NCAM1: variants seen among roughly 807,000 people sequenced by gnomAD.
NCAM1 encodes the protein antigen recognized by monoclonal antibody 5.1H11.
Under a neutral mutation model 109.8 loss-of-function variants are expected in NCAM1, and 14 were observed. That is an observed-to-expected ratio of 0.13 (90% CI 0.08 to 0.20). The LOEUF (loss-of-function observed/expected upper bound fraction) is 0.20. Among genes scored for constraint, NCAM1 ranks in the 10% least tolerant of loss-of-function variants. NCAM1 has a pLI of 1.00. For missense variants in NCAM1, 774 were observed against 1,109.9 expected (o/e 0.70, Z 4.30); for synonymous variants, 418 against 442.9 (o/e 0.94, Z 0.70).
chr11:113,260,810 CT>C (rs1432996069), intron 17 of NCAM1, among the ~76,000 whole-genome samples: 3 of 152,196 alleles, frequency 2.0e-5, no homozygotes, highest in African/African-American at 4.8e-5. Flanking sequence ...TGCCCATTTA[CT>C]TACAAACCCT....
intron 1 of NCAM1, among the ~76,000 whole-genome samples, chr11:113,009,565 G>A (rs1004072675): frequency 1.3e-5 from 2 of 151,978 alleles, no homozygotes; most frequent in African/African-American, 4.8e-5. Flanking sequence ...AACAGTCTCT[G>A]TATGTGAGAG....
intron 1 of NCAM1, among the ~76,000 whole-genome samples, chr11:113,031,246 G>A (rs1952703425): frequency 6.6e-6 from 1 of 152,172 alleles, no homozygotes; most frequent in Non-Finnish European, 1.5e-5. Flanking sequence ...ACTGTATGAA[G>A]CTTAGCTAAC....
rs1344432945 is a variant in NCAM1, at chr11:113,278,386, T to G, written c.*2999T>G. ...GAGTACTAACTGAGAATTTTGACTT[T>G]GCATTCTGTCGGAATACTTGTGTTC... On this transcript the variant is annotated 3_prime_UTR_variant, in exon 20 of 20. Coordinates refer to ENST00000316851, the MANE Select transcript of NCAM1 (RefSeq NM_181351.5). 6.6e-6 allele frequency: 1 copy of G among 152,236 alleles called. No homozygotes were observed. Among genetic ancestry groups the G allele is most frequent in the African/African-American group, 2.4e-5 (1 of 41,452 alleles). The allele number at this position is 152,236 out of a possible 1,614,324, so 9.4% of individuals were successfully genotyped here.
chr11:113,010,164 A>G (rs1952010731), intron 1 of NCAM1, among the ~76,000 whole-genome samples: 1 of 152,218 alleles, frequency 6.6e-6, no homozygotes, highest in African/African-American at 2.4e-5. Flanking sequence ...TCGATCCTGA[A>G]CTAAATTAGC....
At chr11:113,175,169 GT>G (rs1171742955) in intron 1 of NCAM1, among the ~76,000 whole-genome samples, 1 of 152,198 alleles carries the variant, frequency 6.6e-6, no homozygotes, top group African/African-American at 2.4e-5. Context: ...TTTTACAGTT[GT>G]TGTCAAAAGG....
intron 17 of NCAM1, chr11:113,269,758 C>T: frequency 4.5e-6 from 1 of 222,522 alleles, no homozygotes; most frequent in Non-Finnish European, 9.0e-6. Flanking sequence ...CATTTTGGGC[C>T]CCTATCCCTG....
chr11:113,242,576 C>T (rs1015837095), intron 14 of NCAM1, among the ~76,000 whole-genome samples: 2 of 152,112 alleles, frequency 1.3e-5, no homozygotes, highest in Admixed American at 6.5e-5. Flanking sequence ...CACCATTGCA[C>T]TCTAGCCTGA....
chr11:113,103,719 A>T (rs1939989387), intron 1 of NCAM1, among the ~76,000 whole-genome samples: 2 of 152,132 alleles, frequency 1.3e-5, no homozygotes, highest in South Asian at 4.1e-4. Flanking sequence ...GAAGGGCTTG[A>T]TAACAATTCA....
At chr11:113,143,233 C>T (rs1941895065) in intron 1 of NCAM1, among the ~76,000 whole-genome samples, 2 of 152,282 alleles carry the variant, frequency 1.3e-5, no homozygotes, top group South Asian at 2.1e-4. Context: ...TTGCATTTGG[C>T]TTTTATATCT....
chr11:113,112,252 C>T (rs1940478351), intron 1 of NCAM1, among the ~76,000 whole-genome samples: 1 of 152,192 alleles, frequency 6.6e-6, no homozygotes. Flanking sequence ...ACAAACTTCT[C>T]TTTCTTATGT....
At chr11:113,244,312 T>C (rs1478559970) in intron 14 of NCAM1, among the ~76,000 whole-genome samples, 1 of 152,206 alleles carries the variant, frequency 6.6e-6, no homozygotes, top group Non-Finnish European at 1.5e-5. Context: ...TCCCCTGACA[T>C]GTCTTTAATT....
At chr11:113,220,038 C>G (rs1369622371) in intron 8 of NCAM1, among the ~76,000 whole-genome samples, 1 of 152,174 alleles carries the variant, frequency 6.6e-6, no homozygotes, top group Non-Finnish European at 1.5e-5. Context: ...TGCTATGATT[C>G]TGGCATCTTT....
At chr11:113,135,496 T>A (rs1294384516) in intron 1 of NCAM1, among the ~76,000 whole-genome samples, 1 of 152,136 alleles carries the variant, frequency 6.6e-6, no homozygotes, top group African/African-American at 2.4e-5. Context: ...CTGTTCAGCT[T>A]CTTAAAATAC....
chr11:113,263,830 T>G (rs1555123858), intron 17 of NCAM1: 1 of 985,358 alleles, frequency 1.0e-6, no homozygotes, highest in South Asian at 4.7e-5. Context: ...CTGGCCTGTG[T>G]GTGCTCAGTA....
At chr11:113,266,137 T>C (rs1946130234) in intron 17 of NCAM1, among the ~76,000 whole-genome samples, 1 of 152,228 alleles carries the variant, frequency 6.6e-6, no homozygotes, top group African/African-American at 2.4e-5. Flanking sequence ...GAGGTTTATA[T>C]TTTTCCTTTT....
chr11:113,204,940 G>A (rs1944191161), intron 3 of NCAM1, among the ~76,000 whole-genome samples: 1 of 152,144 alleles, frequency 6.6e-6, no homozygotes, highest in South Asian at 2.1e-4. Context: ...CCATCTGTAG[G>A]TGGCATCTCG....
chr11:113,202,906 T>C (rs1555112159), intron 2 of NCAM1, among the ~76,000 whole-genome samples: 1 of 152,202 alleles, frequency 6.6e-6, no homozygotes, highest in Non-Finnish European at 1.5e-5. Context: ...GTAAATAGAA[T>C]ACTGGTATGG....
Position 112,961,480 on chromosome 11 carries a change from C to A in NCAM1, c.-133C>A. 2 of 791,430 alleles carry A rather than the reference C, an allele frequency of 2.5e-6. No homozygotes were observed. Among genetic ancestry groups the A allele is most frequent in the Non-Finnish European group, 2.3e-6 (1 of 429,414 alleles). The allele number at this position is 791,430 out of a possible 1,614,324, so 49.0% of individuals were successfully genotyped here. A position where few individuals can be genotyped will look rare whatever the true frequency, so the allele number is the denominator to read the frequency against. On this transcript the variant is annotated 5_prime_UTR_variant, in exon 1 of 20. Coordinates refer to ENST00000316851, the MANE Select transcript of NCAM1 (RefSeq NM_181351.5). ...CTGCCGCTGGCAGGAAACAATTCTG[C>A]AAAAATAATCATACTCAGCCTGGCA... is the stretch of plus-strand genomic sequence containing the variant.
rs1946362454 is a variant in NCAM1, at chr11:113,274,420, G to T, written c.2457-847G>T. Among the ~76,000 whole-genome samples the T allele has an allele frequency of 6.6e-6, 1 of 152,130 alleles. No individual in the cohort carries two copies. Among genetic ancestry groups the T allele is most frequent in the Non-Finnish European group, 1.5e-5 (1 of 68,010 alleles). On this transcript the variant is annotated intron_variant, in intron 19 of 19. Coordinates refer to ENST00000316851, the MANE Select transcript of NCAM1 (RefSeq NM_181351.5). The surrounding 1 kb of genome is among the most constrained non-coding windows in gnomAD (Gnocchi z 4.1). ...ATTCAGTGGCACCAGCTGAGGCTGG[G>T]GTCTGTGCCTGTCCCCATGCATCCT...
Sources: allele counts gnomAD v4.1 joint callset (sites outside exome capture counted in the v4.1 genomes callset), GRCh38; gene constraint gnomAD v4.1.1; non-coding constraint Gnocchi (gnomAD v3.1); transcripts MANE v1.5; gene names NCBI Gene and HGNC (gene_info 2026-07-23, HGNC 2026-07-21).